The following CRY1 variants were observed in gnomAD, a reference collection of about 807,000 sequenced individuals.
CRY1 encodes cryptochrome circadian regulator 1, also known as cryptochrome-1.
Under a neutral mutation model 76.0 loss-of-function variants are expected in CRY1, and 45 were observed. The ratio of observed to expected loss-of-function variants is 0.59; its 90% CI spans 0.47 to 0.76. The LOEUF (loss-of-function observed/expected upper bound fraction) is 0.76, where lower values mean the gene tolerates loss of function less well. Among genes scored for constraint, CRY1 ranks in the 30% least tolerant of loss-of-function variants. The pLI, the probability that CRY1 is intolerant of heterozygous loss-of-function variation, is 0.00. For synonymous variants in CRY1, 248 were observed against 244.0 expected (o/e 1.02, Z -0.15); for missense variants, 587 against 716.4 (o/e 0.82, Z 2.06).
At chr12:107,016,211 G>T (rs1160972637) in intron 2 of CRY1, among the ~76,000 whole-genome samples, 6 of 152,164 alleles carry the variant, frequency 3.9e-5, no homozygotes, top group Non-Finnish European at 7.3e-5. Flanking sequence ...TCAGTAGGCT[G>T]AGGCACGAGA....
intron 1 of CRY1, chr12:107,050,030 T>C (rs1952900303): frequency 6.6e-6 from 1 of 151,924 alleles, no homozygotes; most frequent in South Asian, 2.1e-4. Context: ...AACTAAGGCA[T>C]TCAAGGAAGT....
chr12:107,020,186 C>CAAA (rs5800723), intron 2 of CRY1, among the ~76,000 whole-genome samples: 24 of 134,796 alleles, frequency 1.8e-4, no homozygotes, highest in South Asian at 7.0e-4. Flanking sequence ...TTCATACAAG[C>CAAA]AAAAAAAAAA....
intron 1 of CRY1, among the ~76,000 whole-genome samples, chr12:107,041,161 A>G (rs893130194): frequency 1.3e-5 from 2 of 152,170 alleles, no homozygotes; most frequent in Non-Finnish European, 2.9e-5. Flanking sequence ...ATTGAGGTAC[A>G]TTCTTTCATT....
At chr12:107,086,988 AAAAG>A (rs1286948840) in intron 1 of CRY1, among the ~76,000 whole-genome samples, 1 of 152,226 alleles carries the variant, frequency 6.6e-6, no homozygotes, top group African/African-American at 2.4e-5. Context: ...AAGAAAAAGA[AAAAG>A]AAAGAAACAA....
intron 1 of CRY1, among the ~76,000 whole-genome samples, chr12:107,051,651 C>G (rs893458806): frequency 6.6e-6 from 1 of 152,024 alleles, no homozygotes; most frequent in African/African-American, 2.4e-5. Context: ...TTGATATGGG[C>G]CTTTTAACTA....
In CRY1 at chr12:107,045,824, G is replaced by A. The variant is rs139090005; in HGVS notation, c.159-23632C>T. ...GGGCCTGTTGTGGGGTGCGGGGAGC[G>A]GGGGAGGGATAGCATTAGGAGATAT... On this transcript the variant is annotated intron_variant, in intron 1 of 12. Coordinates refer to ENST00000008527, the MANE Select transcript of CRY1 (RefSeq NM_004075.5). Among the ~76,000 whole-genome samples, 401 of 152,116 alleles carry A rather than the reference G, an allele frequency of 2.6e-3. 5 individuals are homozygous for A. The highest frequency in any genetic ancestry group is 8.9e-3 in the African/African-American group (369 of 41,506).
chr12:107,069,180 G>C (rs747054870), intron 1 of CRY1, among the ~76,000 whole-genome samples: 4 of 151,646 alleles, frequency 2.6e-5, no homozygotes, highest in Non-Finnish European at 5.9e-5. Flanking sequence ...AATGTACAAG[G>C]GTTCCAATTT....
chr12:107,001,638 T>TC (rs1029537508), intron 4 of CRY1, 126 bp downstream of exon 4: 1 of 828,788 alleles, frequency 1.2e-6, no homozygotes, highest in African/African-American at 1.8e-5. Context: ...CTTTTTCTTC[T>TC]CCCCCTGCCC....
intron 2 of CRY1, among the ~76,000 whole-genome samples, chr12:107,015,441 G>C (rs954600286): frequency 6.6e-5 from 10 of 150,852 alleles, no homozygotes; most frequent in African/African-American, 2.4e-4. Context: ...CTGGGTTCAA[G>C]TGATCATCCC....
At position 106,999,376 on chromosome 12, in the gene CRY1, T is replaced by C. The variant is rs185849841; in HGVS notation, c.1137+175A>G. ...TTTAACCAGTTTTCACCTTTTTGCT[T>C]GTCTGATTATACCATTTTTCTCTGA... On this transcript the variant is annotated intron_variant, in intron 7 of 12. Transcript: ENST00000008527. Among the ~76,000 whole-genome samples, 3 of 152,360 alleles carry C rather than the reference T, an allele frequency of 2.0e-5. No individual in the cohort carries two copies. The East Asian group carries it at 5.8e-4, about 29-fold the overall frequency.
In CRY1 at chr12:107,001,965, TA is replaced by T; in HGVS notation, c.411-18del. On this transcript the variant is annotated intron_variant, in intron 3 of 12. Transcript: ENST00000008527. ...TCTATGATCCTATAACAAGAGTTAG[TA>T]AAATGTAGTTAGTATTAAAAAAGAC... 1 of 1,552,620 alleles carries T rather than the reference TA, an allele frequency of 6.4e-7. No individual in the cohort carries two copies. Among genetic ancestry groups the T allele is most frequent in the Non-Finnish European group, 8.6e-7 (1 of 1,159,054 alleles).
chr12:106,993,009 T>A lies in CRY1; in HGVS notation c.1613A>T (p.His538Leu). Residue 538 changes from histidine to leucine, a missense_variant, in exon 11 of 13, where the codon CAC becomes CTC. Transcript: ENST00000008527. ...TTGCTGACTGTCGCCATGAGCATAG[T>A]GTAAAATACCACTCCCTTGAGAGCA... ...GSCSQGSGIL[H>L]YAHGDSQQTH... 6.2e-7 allele frequency: 1 copy of A among 1,614,078 alleles called. No homozygotes were observed. Among genetic ancestry groups the A allele is most frequent in the Non-Finnish European group, 8.5e-7 (1 of 1,179,928 alleles).
intron 1 of CRY1, among the ~76,000 whole-genome samples, chr12:107,091,977 T>A (rs981342345): frequency 2.6e-5 from 4 of 152,196 alleles, no homozygotes; most frequent in Admixed American, 2.6e-4. Flanking sequence ...ACAATACTTA[T>A]CACCACCTAA....
intron 1 of CRY1, among the ~76,000 whole-genome samples, chr12:107,032,750 A>G (rs987571761): frequency 6.6e-6 from 1 of 152,224 alleles, no homozygotes; most frequent in Non-Finnish European, 1.5e-5. Flanking sequence ...TCAAGGCTAC[A>G]GTGAGCTGTG....
At chr12:107,002,172 C>T (rs1269329970) in intron 3 of CRY1, among the ~76,000 whole-genome samples, 1 of 151,894 alleles carries the variant, frequency 6.6e-6, no homozygotes, top group Non-Finnish European at 1.5e-5. Context: ...ATATACTACA[C>T]AAATATACTA....
At chr12:107,008,242 T>C (rs997700807) in intron 2 of CRY1, among the ~76,000 whole-genome samples, 1 of 152,228 alleles carries the variant, frequency 6.6e-6, no homozygotes, top group Non-Finnish European at 1.5e-5. Flanking sequence ...TTTCCTTCCC[T>C]GGGGATAAAT....
chr12:107,014,269 T>C (rs951331685), intron 2 of CRY1, among the ~76,000 whole-genome samples: 3 of 152,148 alleles, frequency 2.0e-5, no homozygotes, highest in East Asian at 3.9e-4. Flanking sequence ...CCAGGTGGCA[T>C]AGAAACTTAT....
At chr12:107,016,096 G>C (rs541389217) in intron 2 of CRY1, among the ~76,000 whole-genome samples, 30 of 152,256 alleles carry the variant, frequency 2.0e-4, no homozygotes, top group African/African-American at 6.7e-4. Flanking sequence ...GACCACTTAA[G>C]GTCAGGACTT....
intron 2 of CRY1, among the ~76,000 whole-genome samples, chr12:107,010,762 T>G (rs752505942): frequency 1.7e-4 from 26 of 152,110 alleles, no homozygotes; most frequent in Non-Finnish European, 2.9e-4. Flanking sequence ...AGATCTCTGA[T>G]GCTACTATTG....
Sources: gnomAD v4.1 joint callset for allele counts (sites outside exome capture counted in the v4.1 genomes callset) on GRCh38, gnomAD v4.1.1 for gene constraint, MANE v1.5 for transcripts, NCBI Gene and HGNC (gene_info 2026-07-23, HGNC 2026-07-21) for gene names.